NOCT: variants seen among roughly 807,000 people sequenced by gnomAD.
NOCT encodes nocturnin.
In NOCT, 18 loss-of-function variants were observed where a neutral mutation model predicts 35.0. The ratio of observed to expected loss-of-function variants is 0.51; its 90% CI spans 0.36 to 0.76. NOCT has a LOEUF of 0.76. Ranked by LOEUF, NOCT falls within the 30% of genes least tolerant of loss-of-function variation. NOCT has a pLI of 0.01. For synonymous variants in NOCT, 235 were observed against 226.3 expected, an observed-to-expected ratio of 1.04 and a Z score of -0.34; for missense variants, 479 against 541.0, an observed-to-expected ratio of 0.89 and a Z score of 1.14.
rs1291130544 is a variant in NOCT, at chr4:139,015,832, G to A, written c.-150G>A. On this transcript the variant is annotated 5_prime_UTR_variant, in exon 1 of 3. Coordinates refer to ENST00000280614, the MANE Select transcript of NOCT (RefSeq NM_012118.4). Reference sequence around the variant, plus strand: ...ACCTCCCTCTCCGGCTCTGCTGCCCGGGATTTCCCCAGAACCTGCGCCGCG... The same window carrying A: ...ACCTCCCTCTCCGGCTCTGCTGCCCAGGATTTCCCCAGAACCTGCGCCGCG... 5 of 557,410 alleles carry A rather than the reference G, an allele frequency of 9.0e-6. No individual in the cohort carries two copies. The highest frequency in any genetic ancestry group is 7.9e-5 in the African/African-American group (4 of 50,446). The allele number at this position is 557,410 out of a possible 1,614,324, so 34.5% of individuals were successfully genotyped here.
chr4:139,044,445 A>C (rs1396126143), intron 2 of NOCT, among the ~76,000 whole-genome samples, 194 bp from the exon 3 acceptor site: 1 of 152,168 alleles, frequency 6.6e-6, no homozygotes, highest in Non-Finnish European at 1.5e-5. Context: ...GAAACAAAAG[A>C]TCTGTTGTTT....
rs1342831590 is a variant in NOCT at position 139,016,054 on chromosome 4, GCCC to G, written c.75_77del (p.Pro26del). The G allele has an allele frequency of 7.2e-7, 1 of 1,382,982 alleles. No homozygotes were observed. The allele number at this position is 1,382,982 out of a possible 1,614,324, so 85.7% of individuals were successfully genotyped here. A position where few individuals can be genotyped will look rare whatever the true frequency, so the allele number is the denominator to read the frequency against. On this transcript the variant is annotated inframe_deletion, in exon 1 of 3. Transcript: ENST00000280614. The stretch of plus-strand genomic sequence containing the variant: ...CGCGCCCGGCCTGCGCCGCCTGCCC[GCCC>G]CAGGGCTGCGCCGCCCGTTGTCCCC...
chr4:139,030,430 G>T (rs1726602050), intron 1 of NOCT, among the ~76,000 whole-genome samples: 1 of 152,168 alleles, frequency 6.6e-6, no homozygotes, highest in Non-Finnish European at 1.5e-5. Flanking sequence ...CACTGGGCTG[G>T]ATCCTGGGGG....
At chr4:139,020,280 G>T (rs1346165568) in intron 1 of NOCT, among the ~76,000 whole-genome samples, 1 of 152,202 alleles carries the variant, frequency 6.6e-6, no homozygotes, top group Non-Finnish European at 1.5e-5. Flanking sequence ...TCAATTGATA[G>T]CAATTTATCC....
intron 1 of NOCT, among the ~76,000 whole-genome samples, chr4:139,029,586 C>T (rs1726588462): frequency 6.6e-6 from 1 of 152,196 alleles, no homozygotes; most frequent in Non-Finnish European, 1.5e-5. Context: ...AAAGTAATAC[C>T]TTCTTAACTT....
chr4:139,044,003 T>TATATATATATATATAC (rs1405359118), intron 2 of NOCT: 9 of 147,030 alleles, frequency 6.1e-5, no homozygotes, highest in African/African-American at 2.3e-4. Flanking sequence ...TATATATATA[T>TATATATATATATATAC]ACACTTTGTT....
intron 1 of NOCT, among the ~76,000 whole-genome samples, chr4:139,022,865 A>AG (rs1238066639): frequency 6.6e-6 from 1 of 151,956 alleles, no homozygotes; most frequent in Non-Finnish European, 1.5e-5. Flanking sequence ...GAGGCCAAGG[A>AG]GGTGGGGGGA....
chr4:139,045,181 A>G lies in NOCT; in HGVS notation c.1003A>G (p.Lys335Glu), dbSNP rs2148648371. 6.2e-7 allele frequency: 1 copy of G among 1,614,178 alleles called. No individual in the cohort carries two copies. Among genetic ancestry groups the G allele is most frequent in the Non-Finnish European group, 8.5e-7 (1 of 1,180,016 alleles). The change falls in exon 3 of 3, where the codon AAA (lysine) becomes GAA (glutamate). Residue 335 changes from lysine (K) to glutamate (E), a missense_variant. By Grantham distance (56) the Lys-to-Glu change is moderately conservative (BLOSUM62 1). This residue lies in a region of NOCT where 214 missense variants were observed against 284.0 expected (regional missense o/e 0.75). Coordinates refer to ENST00000280614, the MANE Select transcript of NOCT (RefSeq NM_012118.4). ...FNAEPTEEVY[K>E]HFASSSLNLN... ...TGCAGAGCCAACAGAAGAGGTCTAC[A>G]AACACTTTGCTTCCTCCAGCCTCAA...
intron 1 of NOCT, among the ~76,000 whole-genome samples, chr4:139,028,518 A>T (rs1726564370): frequency 6.6e-6 from 1 of 152,232 alleles, no homozygotes; most frequent in Non-Finnish European, 1.5e-5. Context: ...TGCTGTGACG[A>T]CAGTGACGTC....
intron 1 of NOCT, among the ~76,000 whole-genome samples, chr4:139,038,427 G>C (rs1028790656): frequency 1.3e-5 from 2 of 151,946 alleles, no homozygotes; most frequent in African/African-American, 2.4e-5. Context: ...GACCAGATTT[G>C]ATAATCTGCT....
intron 1 of NOCT, 25 bp downstream of exon 1, chr4:139,016,196 G>T (rs886209916): frequency 8.2e-7 from 1 of 1,224,392 alleles, no homozygotes; most frequent in Non-Finnish European, 1.0e-6. Flanking sequence ...GTTCCGGGCG[G>T]AGAACGCCAC....
At chr4:139,021,979 G>T (rs775178049) in intron 1 of NOCT, among the ~76,000 whole-genome samples, 1 of 151,910 alleles carries the variant, frequency 6.6e-6, no homozygotes, top group Non-Finnish European at 1.5e-5. Context: ...GGCTCCTCTC[G>T]AACTCCTGAC....
At chr4:139,043,008 C>T in intron 1 of NOCT, 66 bp from the exon 2 acceptor site, 1 of 1,426,340 alleles carries the variant, frequency 7.0e-7, no homozygotes. Flanking sequence ...GTTTATCTTA[C>T]AGTTGTGCTG....
intron 1 of NOCT, among the ~76,000 whole-genome samples, chr4:139,022,817 G>A (rs1344056364): frequency 1.3e-5 from 2 of 152,152 alleles, no homozygotes; most frequent in Non-Finnish European, 2.9e-5. Context: ...GATGCTGCCC[G>A]GGTACCGTGG....
intron 1 of NOCT, among the ~76,000 whole-genome samples, chr4:139,036,272 C>T (rs1019786052): frequency 1.3e-5 from 2 of 151,910 alleles, no homozygotes; most frequent in Non-Finnish European, 2.9e-5. Context: ...TAATTTTTTT[C>T]TCTAGAGAGA....
chr4:139,029,547 C>T (rs913527119), intron 1 of NOCT, among the ~76,000 whole-genome samples: 1 of 152,230 alleles, frequency 6.6e-6, no homozygotes, highest in Non-Finnish European at 1.5e-5. Flanking sequence ...ACTGGTCGGT[C>T]ACTAACTAAA....
At chr4:139,035,129 A>AT (rs201485657) in intron 1 of NOCT, among the ~76,000 whole-genome samples, 18 of 148,758 alleles carry the variant, frequency 1.2e-4, no homozygotes, top group South Asian at 4.3e-4. Context: ...AACTGTGGAC[A>AT]TTTTTTTTTT....
chr4:139,019,736 C>G (rs1726375576), intron 1 of NOCT, among the ~76,000 whole-genome samples: 1 of 152,148 alleles, frequency 6.6e-6, no homozygotes, highest in East Asian at 1.9e-4. Context: ...GGGATGATCT[C>G]GGTGTTTGGC....
chr4:139,029,843 T>C (rs577162674), intron 1 of NOCT, among the ~76,000 whole-genome samples: 51 of 152,180 alleles, frequency 3.4e-4, no homozygotes, highest in Non-Finnish European at 6.8e-4. Flanking sequence ...TGAGTTTTGA[T>C]TTTCTAGCTG....
Sources: allele counts gnomAD v4.1 joint callset (sites outside exome capture counted in the v4.1 genomes callset), GRCh38; gene constraint gnomAD v4.1.1; regional missense constraint gnomAD v4.1.1; transcripts MANE v1.5; gene names NCBI Gene and HGNC (gene_info 2026-07-23, HGNC 2026-07-21).